RBM26: variants seen among roughly 807,000 people sequenced by gnomAD.
RBM26 encodes the protein RNA binding motif protein 26.
RBM26 carries 30 observed loss-of-function variants against 123.6 expected under a neutral mutation model. The observed-to-expected ratio is 0.24, with a 90% CI of 0.18 to 0.33. The LOEUF is 0.33. Among genes scored for constraint, RBM26 ranks in the 10% least tolerant of loss-of-function variants. The pLI is 1.00. For missense variants in RBM26, 947 were observed against 1,203.6 expected, an observed-to-expected ratio of 0.79 and a Z score of 3.15; for synonymous variants, 400 against 404.4, an observed-to-expected ratio of 0.99 and a Z score of 0.13.
At chr13:79,353,500 T>C (rs2073555929) in intron 13 of RBM26, among the ~76,000 whole-genome samples, 1 of 152,142 alleles carries the variant, frequency 6.6e-6, no homozygotes, top group South Asian at 2.1e-4. Flanking sequence ...CAGAATAAAT[T>C]AGGAGAAAAT....
intron 6 of RBM26, among the ~76,000 whole-genome samples, chr13:79,367,556 G>GT (rs1287728828): frequency 4.0e-5 from 6 of 151,820 alleles, no homozygotes; most frequent in Non-Finnish European, 5.9e-5. Flanking sequence ...AAGGTAACAA[G>GT]TGAGTTCGCC....
At chr13:79,355,485 A>T (rs1476122889) in intron 11 of RBM26, 101 bp from the exon 12 acceptor site, 7 of 842,446 alleles carry the variant, frequency 8.3e-6, no homozygotes, top group Non-Finnish European at 1.3e-5. Flanking sequence ...TCCAAGTAAG[A>T]TTCTGTATTT....
At chr13:79,386,831 T>C (rs935562284) in intron 1 of RBM26, among the ~76,000 whole-genome samples, 2 of 151,888 alleles carry the variant, frequency 1.3e-5, no homozygotes. Flanking sequence ...CTAGTGAACA[T>C]TTTCTTTTAA....
chr13:79,371,061 C>G lies in RBM26; in HGVS notation c.518G>C (p.Arg173Pro), dbSNP rs750631067. Reference sequence around the variant, plus strand: ...CCTGCTATAACTGCGACTCCGCCCTCGTCTTCTATTGTACCGGTCTCTGTA... The same window carrying G: ...CCTGCTATAACTGCGACTCCGCCCTGGTCTTCTATTGTACCGGTCTCTGTA... ...DSYRDRYNRRRGRSRSYSRSR... is the reference protein window; with the variant it reads ...DSYRDRYNRRPGRSRSYSRSR... Residue 173 changes from arginine to proline, a missense_variant, in exon 5 of 22, where the codon CGA becomes CCA. By Grantham distance (103) the Arg-to-Pro change is moderately radical (BLOSUM62 -2). Coordinates refer to ENST00000438737, the MANE Select transcript of RBM26 (RefSeq NM_001366735.2). The G allele has an allele frequency of 3.1e-6, 5 of 1,613,858 alleles. No individual in the cohort carries two copies. Among genetic ancestry groups the G allele is most frequent in the Non-Finnish European group, 3.4e-6 (4 of 1,179,910 alleles).
chr13:79,328,239 C>T (rs751851864), intron 20 of RBM26, among the ~76,000 whole-genome samples: 2 of 152,034 alleles, frequency 1.3e-5, no homozygotes, highest in Non-Finnish European at 2.9e-5. Context: ...CCCTGACAAA[C>T]TACTGAGTTT....
At chr13:79,390,381 A>G (rs2077854111) in intron 1 of RBM26, among the ~76,000 whole-genome samples, 2 of 152,218 alleles carry the variant, frequency 1.3e-5, no homozygotes, top group Admixed American at 1.3e-4. Flanking sequence ...GAAAAGTTCT[A>G]CAACAGGTAA....
chr13:79,344,470 A>G, intron 15 of RBM26, 148 bp from the exon 16 acceptor site: 1 of 819,646 alleles, frequency 1.2e-6, no homozygotes, highest in Non-Finnish European at 1.9e-6. Context: ...TATGTATGCA[A>G]GTTTCAAAGA....
chr13:79,370,176 C>G (rs994083340), intron 5 of RBM26, among the ~76,000 whole-genome samples: 2 of 152,138 alleles, frequency 1.3e-5, no homozygotes, highest in Non-Finnish European at 2.9e-5. Context: ...ATTAGCCGAG[C>G]ATGGTGGCAC....
At position 79,366,149 on chromosome 13, in the gene RBM26, A is replaced by G. The variant is rs751338966; in HGVS notation, c.1182T>C (p.Ala394=). The G allele has an allele frequency of 4.3e-6, 7 of 1,613,652 alleles. No homozygotes were observed. The East Asian group carries it at 1.6e-4, about 36-fold the overall frequency. ...CAGAACTGGTTGCAGAGTTTGGAGGAGCATCCATGCCAGATGGCTGCAAAG... is the reference window on the plus strand; with the variant it reads ...CAGAACTGGTTGCAGAGTTTGGAGGGGCATCCATGCCAGATGGCTGCAAAG... ...LPPLQPSGMD[A]PPNSATSSVP... Residue 394 remains alanine, a synonymous_variant, in exon 8 of 22, where the codon GCT becomes GCC. Coordinates refer to ENST00000438737, the MANE Select transcript of RBM26 (RefSeq NM_001366735.2).
At chr13:79,329,414 A>T (rs1048279950) in intron 20 of RBM26, among the ~76,000 whole-genome samples, 2 of 152,076 alleles carry the variant, frequency 1.3e-5, no homozygotes, top group African/African-American at 4.8e-5. Context: ...CATACTTAAT[A>T]GTAATGCGTA....
exon 5 of RBM26, chr13:79,312,924 C>A (rs1361006066): frequency 6.6e-6 from 1 of 151,610 alleles, no homozygotes; most frequent in South Asian, 2.1e-4. Flanking sequence ...ACTTGAGGGG[C>A]CTGTATCATT....
At chr13:79,378,362 ATTGT>A (rs2076815256) in intron 2 of RBM26, among the ~76,000 whole-genome samples, 1 of 152,190 alleles carries the variant, frequency 6.6e-6, no homozygotes. Context: ...CAATAATAAT[ATTGT>A]TTATTTAACT....
chr13:79,318,588 A>G (rs1307136034), downstream of RBM26, among the ~76,000 whole-genome samples: 1 of 151,440 alleles, frequency 6.6e-6, no homozygotes, highest in Non-Finnish European at 1.5e-5. Context: ...ACGCTGAAAT[A>G]TATTTGTCTT....
chr13:79,336,333 TTC>T (rs1238889487), intron 19 of RBM26, among the ~76,000 whole-genome samples: 2 of 152,212 alleles, frequency 1.3e-5, no homozygotes, highest in African/African-American at 4.8e-5. Context: ...CTGTAGTTTA[TTC>T]TGTGTTAAAC....
chr13:79,335,700 T>G (rs747589593), intron 19 of RBM26, among the ~76,000 whole-genome samples: 3 of 152,158 alleles, frequency 2.0e-5, no homozygotes, highest in Non-Finnish European at 4.4e-5. Flanking sequence ...AATTTTCATT[T>G]AGAGGCTCTG....
intron 20 of RBM26, among the ~76,000 whole-genome samples, chr13:79,331,634 T>G (rs2069423120): frequency 6.8e-6 from 1 of 147,442 alleles, no homozygotes; most frequent in African/African-American, 2.5e-5. Context: ...AGACTCCGCC[T>G]CAAAAAAAAA....
At chr13:79,404,861 T>TTTAA (rs774656789) in intron 1 of RBM26, among the ~76,000 whole-genome samples, 34 of 152,230 alleles carry the variant, frequency 2.2e-4, no homozygotes, top group Admixed American at 3.9e-4. Flanking sequence ...GATTTTAGAA[T>TTTAA]TTAAAAGCTC....
chr13:79,405,648 G>C, intron 1 of RBM26, 56 bp downstream of exon 1: 1 of 1,292,428 alleles, frequency 7.7e-7, no homozygotes, highest in Non-Finnish European at 1.1e-6. Flanking sequence ...ACAGATCTCT[G>C]GGTCCGCCTA....
intron 1 of RBM26, among the ~76,000 whole-genome samples, chr13:79,399,356 A>G (rs938148523): frequency 3.3e-5 from 5 of 152,246 alleles, no homozygotes; most frequent in African/African-American, 7.2e-5. Context: ...CAATGAATGT[A>G]TAACAATTAA....
Sources: gnomAD v4.1 joint callset for allele counts (sites outside exome capture counted in the v4.1 genomes callset) on GRCh38, gnomAD v4.1.1 for gene constraint, MANE v1.5 for transcripts, NCBI Gene and HGNC (gene_info 2026-07-23, HGNC 2026-07-21) for gene names.